Variants in TERF2 observed in about 807,000 individuals in gnomAD.
The protein encoded by TERF2 is telomeric repeat binding factor 2, also known as telomeric repeat-binding factor 2.
In TERF2, 16 loss-of-function variants were observed where a neutral mutation model predicts 56.1. That is an observed-to-expected ratio of 0.29 (90% confidence interval 0.19 to 0.43). TERF2 has a LOEUF of 0.43. Ranked by LOEUF, TERF2 falls within the 20% of genes least tolerant of loss-of-function variation. The pLI is 1.00. For missense variants in TERF2, 547 were observed against 712.9 expected (o/e 0.77, Z 2.65); for synonymous variants, 296 against 282.1 (o/e 1.05, Z -0.50).
intron 4 of TERF2, among the ~76,000 whole-genome samples, chr16:69,371,335 C>A (rs1157540538): frequency 6.6e-6 from 1 of 150,636 alleles, no homozygotes; most frequent in East Asian, 2.0e-4. Flanking sequence ...CCCGTCTCTA[C>A]TAAAAAATTT....
chr16:69,378,270 C>G (rs927204926), intron 3 of TERF2, among the ~76,000 whole-genome samples: 1 of 152,148 alleles, frequency 6.6e-6, no homozygotes, highest in Non-Finnish European at 1.5e-5. Flanking sequence ...CATCTGCACC[C>G]AGGGCCAAGC....
chr16:69,378,259 G>A (rs979616181), intron 3 of TERF2, among the ~76,000 whole-genome samples: 1 of 152,162 alleles, frequency 6.6e-6, no homozygotes, highest in Non-Finnish European at 1.5e-5. Context: ...CACACTAACT[G>A]CATCTGCACC....
chr16:69,363,770 G>C (rs147435342), intron 7 of TERF2, among the ~76,000 whole-genome samples: 1 of 152,152 alleles, frequency 6.6e-6, no homozygotes, highest in Non-Finnish European at 1.5e-5. Flanking sequence ...CCAGGAGTTC[G>C]AGACCAGCCT....
At chr16:69,362,736 G>A (rs538533059) in intron 7 of TERF2, among the ~76,000 whole-genome samples, 1 of 152,204 alleles carries the variant, frequency 6.6e-6, no homozygotes, top group African/African-American at 2.4e-5. Context: ...TAACTGCCCT[G>A]GGAACAGAGC....
chr16:69,385,728 C>T lies in TERF2; in HGVS notation c.244G>A (p.Glu82Lys). ...RHEPGLGGPAERGAGEARLEE... is the reference protein window; with the variant it reads ...RHEPGLGGPAKRGAGEARLEE... ...AGCCGTGCCTCCCCCGCGCCGCGCT[C>T]CGCCGGGCCCCCCAGCCCCGGCTCG... Residue 82 changes from glutamate to lysine, a missense_variant, in exon 1 of 10, where the codon GAG becomes AAG. Physicochemically the swap from Glu to Lys is moderately conservative, Grantham distance 56. This residue lies in a region of TERF2 where 120 missense variants were observed against 172.4 expected (regional missense o/e 0.70). Coordinates refer to ENST00000254942, the MANE Select transcript of TERF2 (RefSeq NM_005652.5). 6.4e-7 allele frequency: 1 copy of T among 1,559,134 alleles called. No homozygotes were observed.
chr16:69,369,336 G>A (rs910246632), intron 5 of TERF2, among the ~76,000 whole-genome samples: 1 of 152,132 alleles, frequency 6.6e-6, no homozygotes, highest in African/African-American at 2.4e-5. Flanking sequence ...CATTCTCAAA[G>A]TCCTGGTTTC....
chr16:69,357,162 T>G, intron 9 of TERF2, 106 bp from the exon 10 acceptor site: 8 of 1,301,030 alleles, frequency 6.1e-6, no homozygotes, highest in Non-Finnish European at 8.4e-6. Context: ...GAGAATCATC[T>G]GAACCTGAAA....
In TERF2 at chr16:69,356,967, T is replaced by C. The variant is rs775496204; in HGVS notation, c.1560A>G (p.Pro520=). 6 of 1,614,042 alleles carry C rather than the reference T, an allele frequency of 3.7e-6. No homozygotes were observed. Among genetic ancestry groups the C allele is most frequent in the East Asian group, 4.5e-5 (2 of 44,892 alleles). ...GNWAAISKNY[P]FVNRTAVMIK... is the part of the protein sequence containing the mutation. ...TCATCACAGCTGTTCGGTTAACAAA[T>C]GGGTAATTTTTAGAAATGGCAGCCC... Residue 520 remains proline (P), a synonymous_variant, in exon 10 of 10, where the codon CCA becomes CCG. Transcript: ENST00000254942.
At chr16:69,372,737 G>T (rs982593500) in intron 3 of TERF2, among the ~76,000 whole-genome samples, 10 of 152,212 alleles carry the variant, frequency 6.6e-5, no homozygotes, top group African/African-American at 2.2e-4. Flanking sequence ...ACTCCAGCCT[G>T]GGCAACAAGA....
intron 3 of TERF2, among the ~76,000 whole-genome samples, chr16:69,375,761 T>TTA: frequency 6.6e-6 from 1 of 152,198 alleles, no homozygotes; most frequent in Non-Finnish European, 1.5e-5. Flanking sequence ...TCAGTATTTT[T>TTA]TAAAGTTTGG....
Position 69,363,707 on chromosome 16 carries a change from G to T in TERF2, c.1341-2218C>A, listed in dbSNP as rs142969372. 4.9e-3 allele frequency among the ~76,000 whole-genome samples: 746 copies of T among 152,292 alleles called. 4 individuals carry two copies. Among genetic ancestry groups the T allele is most frequent in the African/African-American group, 0.018 (728 of 41,560 alleles). ...AAGACAGTTGGGAGCAGTGGCTCAC[G>T]TCTGTAATCCCAGCAGTTTGAGAGG... On this transcript the variant is annotated intron_variant, in intron 7 of 9. Transcript: ENST00000254942.
chr16:69,361,696 C>T (rs1218683670), intron 7 of TERF2, among the ~76,000 whole-genome samples: 2 of 152,092 alleles, frequency 1.3e-5, no homozygotes, highest in African/African-American at 4.8e-5. Context: ...GGCTGCAGGA[C>T]ACCCTTCAAA....
intron 3 of TERF2, among the ~76,000 whole-genome samples, chr16:69,376,675 G>C (rs1335164004): frequency 6.9e-6 from 1 of 145,090 alleles, no homozygotes; most frequent in African/African-American, 2.6e-5. Context: ...GGAACACAGG[G>C]AGACCCCATC....
chr16:69,383,904 G>A (rs1020886835), intron 3 of TERF2, among the ~76,000 whole-genome samples: 1 of 152,076 alleles, frequency 6.6e-6, no homozygotes, highest in African/African-American at 2.4e-5. Context: ...GGTTTTGGGG[G>A]AAGAAAAATC....
intron 7 of TERF2, chr16:69,366,465 G>A: frequency 3.7e-6 from 1 of 267,598 alleles, no homozygotes; most frequent in Non-Finnish European, 7.1e-6. Context: ...GTATAATGTG[G>A]CCCAATGCAA....
chr16:69,374,864 C>G (rs1389357432), intron 3 of TERF2, among the ~76,000 whole-genome samples: 1 of 149,230 alleles, frequency 6.7e-6, no homozygotes, highest in African/African-American at 2.5e-5. Flanking sequence ...GCTTGGGAGG[C>G]TAAGGCAGGA....
At position 69,356,083 on chromosome 16, in the gene TERF2, AG is replaced by A; in HGVS notation, c.*814del. The A allele has an allele frequency of 2.6e-6, 1 of 384,994 alleles. No homozygotes were observed. Among genetic ancestry groups the A allele is most frequent in the Non-Finnish European group, 5.1e-6 (1 of 195,952 alleles). 23.8% of individuals were successfully genotyped at this position (384,994 alleles called of 1,614,324 possible). ...TCACGACTGGCTAAAGAGTTTTTAAAGGGAATCTTATTCCACAAGGACTGGT... is the reference window on the plus strand; with the variant it reads ...TCACGACTGGCTAAAGAGTTTTTAAAGGAATCTTATTCCACAAGGACTGGT... On this transcript the variant is annotated 3_prime_UTR_variant, in exon 10 of 10. Coordinates refer to ENST00000254942, the MANE Select transcript of TERF2 (RefSeq NM_005652.5).
At position 69,384,639 on chromosome 16, in the gene TERF2, T is replaced by C; in HGVS notation, c.547A>G (p.Thr183Ala). ...SAINVLEMIKTEFTLTEAVVE... is the reference protein window; with the variant it reads ...SAINVLEMIKAEFTLTEAVVE... ...ACTGCTTCTGTCAGTGTAAATTCCGTTTTAATCATCTCCAGCACATTGATA... is the reference window on the plus strand; with the variant it reads ...ACTGCTTCTGTCAGTGTAAATTCCGCTTTAATCATCTCCAGCACATTGATA... Residue 183 changes from threonine (T) to alanine (A), a missense_variant, in exon 3 of 10, where the codon ACG (threonine) becomes GCG (alanine). By Grantham distance (58) the Thr-to-Ala change is moderately conservative. Coordinates refer to ENST00000254942, the MANE Select transcript of TERF2 (RefSeq NM_005652.5). The C allele has an allele frequency of 6.2e-7, 1 of 1,614,150 alleles. No individual in the cohort carries two copies. The highest frequency in any genetic ancestry group is 8.5e-7 in the Non-Finnish European group (1 of 1,180,010).
Position 69,372,205 on chromosome 16 carries a change from T to C in TERF2, c.693+64A>G, listed in dbSNP as rs1386093796. ...TATTCCTGACCAAGAACCCTTTCCC[T>C]ATTTCCCCACAAAAAGCAATGAGAT... On this transcript the variant is annotated intron_variant, in intron 4 of 9. Transcript: ENST00000254942. 3.3e-6 allele frequency: 4 copies of C among 1,202,370 alleles called. No individual in the cohort carries two copies. The African/African-American group carries it at 4.6e-5, about 14-fold the overall frequency. 74.5% of individuals were successfully genotyped at this position (1,202,370 alleles called of 1,614,324 possible). A position where few individuals can be genotyped will look rare whatever the true frequency, so the allele number is the denominator to read the frequency against.
Sources: gnomAD v4.1 joint callset for allele counts (sites outside exome capture counted in the v4.1 genomes callset) on GRCh38, gnomAD v4.1.1 for gene constraint, gnomAD v4.1.1 regional missense constraint, MANE v1.5 for transcripts, NCBI Gene and HGNC (gene_info 2026-07-23, HGNC 2026-07-21) for gene names.